Variants in KBTBD11 observed in about 807,000 individuals in gnomAD.
The protein encoded by KBTBD11 is kelch repeat and BTB domain containing 11, also known as kelch repeat and BTB domain-containing protein 11.
For synonymous variants in KBTBD11, 747 were observed against 499.0 expected, an observed-to-expected ratio of 1.50 and a Z score of -6.63; for missense variants, 1,390 against 1,001.8, an observed-to-expected ratio of 1.39 and a Z score of -5.23.
At chr8:1,998,113 CT>C (rs1817211942) in intron 1 of KBTBD11, among the ~76,000 whole-genome samples, 2 of 152,174 alleles carry the variant, frequency 1.3e-5, no homozygotes, top group Non-Finnish European at 2.9e-5. Flanking sequence ...GTTTTGAGTG[CT>C]GACATAATGC....
At chr8:1,977,925 G>A (rs770655565) in intron 1 of KBTBD11, among the ~76,000 whole-genome samples, 3 of 152,140 alleles carry the variant, frequency 2.0e-5, no homozygotes, top group African/African-American at 7.2e-5. Context: ...CTGAATATTC[G>A]TATCACGACC....
intron 1 of KBTBD11, among the ~76,000 whole-genome samples, chr8:1,979,867 A>G (rs34929443): frequency 0.75 from 113,620 of 152,096 alleles, 42,629 homozygotes; most frequent in South Asian, 0.85. Flanking sequence ...TCCTGGCTGC[A>G]CCCTCTGGGC....
intron 1 of KBTBD11, chr8:1,975,813 C>T (rs1478867912): frequency 1.3e-5 from 2 of 152,150 alleles, no homozygotes; most frequent in East Asian, 1.9e-4. Flanking sequence ...TGGAAGAATC[C>T]GGAAAGGTGG....
In KBTBD11 at chr8:2,001,868, G is replaced by A. The variant is rs1216736654; in HGVS notation, c.676G>A (p.Ala226Thr). 1.5e-6 allele frequency: 2 copies of A among 1,309,902 alleles called. No individual in the cohort carries two copies. The highest frequency in any genetic ancestry group is 2.0e-6 in the Non-Finnish European group (2 of 1,020,874). The allele number at this position is 1,309,902 out of a possible 1,614,324, so 81.1% of individuals were successfully genotyped here. A position where few individuals can be genotyped will look rare whatever the true frequency, so the allele number is the denominator to read the frequency against. The change falls in exon 2 of 2, where the codon GCC becomes ACC. Residue 226 changes from alanine (A) to threonine (T), a missense_variant. Coordinates refer to ENST00000320248, the MANE Select transcript of KBTBD11 (RefSeq NM_014867.3). The part of the protein sequence containing the change: ...LPGAAQRATD[A>T]VGPQLSLANC... ...CGGCGCCGCGCAGCGCGCCACCGAC[G>A]CCGTGGGGCCGCAGCTGAGCCTGGC...
intron 1 of KBTBD11, among the ~76,000 whole-genome samples, chr8:1,996,308 C>T (rs1216616236): frequency 2.6e-5 from 4 of 152,136 alleles, no homozygotes; most frequent in African/African-American, 7.2e-5. Context: ...CTCTTGTTGC[C>T]CAGGCTGGAG....
Position 2,002,572 on chromosome 8 carries a change from C to T in KBTBD11, c.1380C>T (p.Tyr460=). The part of the protein sequence containing the change: ...HEATTCHGEI[Y]VSGGSLFYRL... ...CCACCACCTGCCACGGCGAGATCTA[C>T]GTGTCCGGGGGCTCCCTCTTCTATC... The change falls in exon 2 of 2, where the codon TAC becomes TAT. Residue 460 remains tyrosine (Y), a synonymous_variant. Coordinates refer to ENST00000320248, the MANE Select transcript of KBTBD11 (RefSeq NM_014867.3). This position sits in a 1 kb window ranked among gnomAD's most constrained non-coding sequence, Gnocchi z 4.1. 1.9e-6 allele frequency: 3 copies of T among 1,580,914 alleles called. No individual in the cohort carries two copies. The highest frequency in any genetic ancestry group is 4.6e-5 in the East Asian group (2 of 43,472).
chr8:1,974,407 C>T (rs1563358080), intron 1 of KBTBD11: 3 of 984,370 alleles, frequency 3.0e-6, no homozygotes, highest in Non-Finnish European at 3.6e-6. Flanking sequence ...GCGCGCGGGG[C>T]CAGGGCGGGG....
At position 1,973,679 on chromosome 8, in the gene KBTBD11, GC is replaced by G. The variant is rs1202959507; in HGVS notation, c.-1161del. Reference sequence around the variant, plus strand: ...TGCACGCGCCCGCCCCCCTCCCCGCGCCCCGCGCGCGCCCCTCGCAGCCTGG... The same window carrying G: ...TGCACGCGCCCGCCCCCCTCCCCGCGCCCGCGCGCGCCCCTCGCAGCCTGG... On this transcript the variant is annotated 5_prime_UTR_variant, in exon 1 of 2. Transcript: ENST00000320248. The G allele has an allele frequency of 1.0e-6, 1 of 982,062 alleles. No individual in the cohort carries two copies. The highest frequency in any genetic ancestry group is 1.8e-5 in the African/African-American group (1 of 57,040). 60.8% of individuals were successfully genotyped at this position (982,062 alleles called of 1,614,324 possible).
At chr8:1,986,147 G>C (rs1267028978) in intron 1 of KBTBD11, among the ~76,000 whole-genome samples, 1 of 152,172 alleles carries the variant, frequency 6.6e-6, no homozygotes, top group Non-Finnish European at 1.5e-5. Flanking sequence ...TGCTGGTTTG[G>C]GGTTGGCCAC....
chr8:2,001,648 C>T lies in KBTBD11; in HGVS notation c.456C>T (p.Arg152=). The change falls in exon 2 of 2, where the codon CGC becomes CGT. Residue 152 remains arginine (R), a synonymous_variant. Transcript: ENST00000320248. ...LVLEVSGRRL[R]AHKAVLAARS... ...TGGAGGTGTCGGGGCGCCGGCTGCG[C>T]GCGCACAAGGCGGTGCTGGCGGCGC... is the stretch of plus-strand genomic sequence containing the variant. The T allele has an allele frequency of 6.8e-7, 1 of 1,478,330 alleles. No homozygotes were observed. The highest frequency in any genetic ancestry group is 1.5e-5 in the African/African-American group (1 of 68,350). The allele number at this position is 1,478,330 out of a possible 1,614,324, so 91.6% of individuals were successfully genotyped here.
chr8:1,996,054 C>A (rs1205578596), intron 1 of KBTBD11, among the ~76,000 whole-genome samples: 1 of 152,172 alleles, frequency 6.6e-6, no homozygotes, highest in Non-Finnish European at 1.5e-5. Flanking sequence ...TCCTGAGATT[C>A]CCTACAGGTT....
chr8:1,986,738 A>T (rs1816716291), intron 1 of KBTBD11, among the ~76,000 whole-genome samples: 1 of 152,216 alleles, frequency 6.6e-6, no homozygotes, highest in African/African-American at 2.4e-5. Context: ...AGTTGTTTAA[A>T]CATATGGCAT....
At chr8:1,984,515 C>G (rs1300494154) in intron 1 of KBTBD11, among the ~76,000 whole-genome samples, 1 of 151,958 alleles carries the variant, frequency 6.6e-6, no homozygotes, top group Non-Finnish European at 1.5e-5. Flanking sequence ...TCTCAGTTTC[C>G]TGACCTTGCG....
intron 1 of KBTBD11, among the ~76,000 whole-genome samples, chr8:1,991,867 T>C (rs1320352909): frequency 6.6e-6 from 1 of 152,030 alleles, no homozygotes; most frequent in African/African-American, 2.4e-5. Flanking sequence ...TGGGTGTGTC[T>C]GACACCAAAG....
intron 1 of KBTBD11, chr8:1,974,428 G>T: frequency 1.0e-6 from 1 of 984,326 alleles, no homozygotes; most frequent in Non-Finnish European, 1.2e-6. Flanking sequence ...GCTCCTCCCG[G>T]GGTTGCTCCG....
At chr8:1,998,306 G>A (rs1041279667) in intron 1 of KBTBD11, among the ~76,000 whole-genome samples, 2 of 152,204 alleles carry the variant, frequency 1.3e-5, no homozygotes, top group Non-Finnish European at 2.9e-5. Context: ...GCTGTTGGGG[G>A]CACTGTGGGC....
chr8:1,996,227 CAG>C (rs1817131840), intron 1 of KBTBD11, among the ~76,000 whole-genome samples: 2 of 152,272 alleles, frequency 1.3e-5, no homozygotes, highest in South Asian at 2.1e-4. Flanking sequence ...TGTGGTCTAA[CAG>C]GGTGTGGTGG....
Position 1,974,021 on chromosome 8 carries a change from G to C in KBTBD11, c.-909+86G>C, listed in dbSNP as rs1437938447. On this transcript the variant is annotated intron_variant, in intron 1 of 1. Coordinates refer to ENST00000320248, the MANE Select transcript of KBTBD11 (RefSeq NM_014867.3). ...AGGCGCGGGTCGGAGGGGGCGGCGG[G>C]TGGGAGGTGGTCGGCGAGAGCGGCA... 1.9e-5 allele frequency: 18 copies of C among 959,724 alleles called. No individual in the cohort carries two copies. The East Asian group carries it at 1.8e-3, about 94-fold the overall frequency. 59.5% of individuals were successfully genotyped at this position (959,724 alleles called of 1,614,324 possible).
At chr8:1,992,013 A>G (rs1453714491) in intron 1 of KBTBD11, among the ~76,000 whole-genome samples, 2 of 152,078 alleles carry the variant, frequency 1.3e-5, no homozygotes, top group Non-Finnish European at 2.9e-5. Context: ...TCATCTACCC[A>G]AGGGCCTTTA....
Sources: gnomAD v4.1 joint callset for allele counts (sites outside exome capture counted in the v4.1 genomes callset) on GRCh38, gnomAD v4.1.1 for gene constraint, Gnocchi (gnomAD v3.1) non-coding constraint, MANE v1.5 for transcripts, NCBI Gene and HGNC (gene_info 2026-07-23, HGNC 2026-07-21) for gene names.